Variants in WDFY3 observed in about 807,000 individuals in gnomAD.
WDFY3 encodes the protein WD repeat and FYVE domain-containing protein 3.
WDFY3 carries 66 observed loss-of-function variants against 409.6 expected under a neutral mutation model. That is an observed-to-expected ratio of 0.16 (90% CI 0.13 to 0.20). WDFY3 has a LOEUF of 0.20. Among genes scored for constraint, WDFY3 ranks in the 10% least tolerant of loss-of-function variants. WDFY3 has a pLI of 1.00. For missense variants in WDFY3, 3,031 were observed against 4,298.1 expected, an observed-to-expected ratio of 0.71 and a Z score of 8.24; for synonymous variants, 1,521 against 1,537.1, an observed-to-expected ratio of 0.99 and a Z score of 0.25.
chr4:84,857,369 T>C (rs1333265605), intron 4 of WDFY3, among the ~76,000 whole-genome samples: 4 of 152,124 alleles, frequency 2.6e-5, no homozygotes, highest in Non-Finnish European at 5.9e-5. Context: ...ACTGATAAAA[T>C]ACATGGGATA....
At chr4:84,674,035 A>G (rs1350876099) in intron 67 of WDFY3, among the ~76,000 whole-genome samples, 2 of 152,202 alleles carry the variant, frequency 1.3e-5, no homozygotes, top group South Asian at 2.1e-4. Flanking sequence ...AGATCCCTCA[A>G]GAGTGTCAAC....
At chr4:84,814,898 T>C (rs376895310) in intron 13 of WDFY3, among the ~76,000 whole-genome samples, 3 of 152,114 alleles carry the variant, frequency 2.0e-5, no homozygotes, top group East Asian at 1.9e-4. Flanking sequence ...TTAGAATGTA[T>C]TCCCCCGAAG....
intron 3 of WDFY3, among the ~76,000 whole-genome samples, chr4:84,869,884 A>G (rs1198144533): frequency 3.9e-5 from 6 of 152,182 alleles, no homozygotes; most frequent in Admixed American, 3.3e-4. Context: ...AGAAATGCAA[A>G]TAAAAACAAA....
chr4:84,821,166 A>G lies in WDFY3; in HGVS notation c.1509T>C (p.Val503=). 2.5e-6 allele frequency: 4 copies of G among 1,613,802 alleles called. No homozygotes were observed. Among genetic ancestry groups the G allele is most frequent in the Non-Finnish European group, 3.4e-6 (4 of 1,179,826 alleles). Residue 503 remains valine (V), a synonymous_variant, in exon 11 of 68, where the codon GTT becomes GTC. Transcript: ENST00000295888. ...DYIFKDVFRE[V]GLLEVMVNLL... is the part of the protein sequence containing the mutation. The stretch of plus-strand genomic sequence containing the variant: ...GGTTTACCATGACCTCCAAAAGGCC[A>G]ACCTCCCTGAACACGTCTTTAAATA...
At chr4:84,777,363 A>C (rs1745729057) in intron 27 of WDFY3, among the ~76,000 whole-genome samples, 1 of 152,128 alleles carries the variant, frequency 6.6e-6, no homozygotes, top group Non-Finnish European at 1.5e-5. Context: ...GTAAAGATGA[A>C]CATCCTTACA....
At chr4:84,828,732 A>G (rs1329129792) in intron 9 of WDFY3, among the ~76,000 whole-genome samples, 1 of 152,166 alleles carries the variant, frequency 6.6e-6, no homozygotes, top group East Asian at 1.9e-4. Flanking sequence ...TCCTGTCTCT[A>G]TGGAAAATGT....
chr4:84,803,574 T>C, intron 15 of WDFY3, 107 bp from the exon 16 acceptor site: 24 of 1,237,570 alleles, frequency 1.9e-5, no homozygotes, highest in Non-Finnish European at 2.7e-5. Flanking sequence ...AGAAAACACC[T>C]TAAGGTTGGG....
At chr4:84,710,455 T>C (rs780463561) in intron 51 of WDFY3, among the ~76,000 whole-genome samples, 32 of 152,208 alleles carry the variant, frequency 2.1e-4, no homozygotes, top group Admixed American at 3.9e-4. Context: ...TAATTAATAA[T>C]TGGTCATGGA....
chr4:84,686,113 C>T (rs1317173202), intron 62 of WDFY3, among the ~76,000 whole-genome samples: 3 of 152,016 alleles, frequency 2.0e-5, no homozygotes, highest in Non-Finnish European at 2.9e-5. Flanking sequence ...AAACCATCTT[C>T]GCTAACACGG....
intron 60 of WDFY3, among the ~76,000 whole-genome samples, chr4:84,690,897 A>C (rs946025506): frequency 1.3e-5 from 2 of 152,312 alleles, no homozygotes; most frequent in Admixed American, 1.3e-4. Context: ...GACTTTGCTC[A>C]TAATGGGGGT....
chr4:84,708,818 G>T, intron 53 of WDFY3, 91 bp downstream of exon 53: 1 of 1,408,846 alleles, frequency 7.1e-7, no homozygotes, highest in South Asian at 1.4e-5. Flanking sequence ...TAGGATTTTA[G>T]GGATGAGCCA....
chr4:84,683,466 A>C (rs1727749858), intron 63 of WDFY3, among the ~76,000 whole-genome samples: 1 of 152,248 alleles, frequency 6.6e-6, no homozygotes, highest in African/African-American at 2.4e-5. Context: ...GTCCCAGCAC[A>C]TAGCAACCTA....
Position 84,785,971 on chromosome 4 carries a change from C to T in WDFY3, c.4062+8G>A. 1 of 1,613,448 alleles carries T rather than the reference C, an allele frequency of 6.2e-7. No individual in the cohort carries two copies. The highest frequency in any genetic ancestry group is 8.5e-7 in the Non-Finnish European group (1 of 1,179,770). On this transcript the variant is annotated splice_region_variant and intron_variant, in intron 24 of 67. Coordinates refer to ENST00000295888, the MANE Select transcript of WDFY3 (RefSeq NM_014991.6). ...AGCCATAGTACACCAAGAAATCATTCTGCTTACCTGCTTAGCAATGGCTTT... is the reference window on the plus strand; with the variant it reads ...AGCCATAGTACACCAAGAAATCATTTTGCTTACCTGCTTAGCAATGGCTTT...
chr4:84,853,554 T>C (rs1759334490), intron 4 of WDFY3, among the ~76,000 whole-genome samples: 1 of 152,154 alleles, frequency 6.6e-6, no homozygotes, highest in South Asian at 2.1e-4. Context: ...CTCCTAAGAA[T>C]TAGTATGAGG....
chr4:84,724,324 A>T, intron 46 of WDFY3, 102 bp downstream of exon 46: 1 of 1,318,474 alleles, frequency 7.6e-7, no homozygotes, highest in East Asian at 2.4e-5. Context: ...GGATATTTTT[A>T]AAGTTGGCCC....
chr4:84,693,107 G>A, intron 58 of WDFY3, 75 bp from the exon 59 acceptor site: 1 of 1,438,998 alleles, frequency 6.9e-7, no homozygotes, highest in Admixed American at 2.2e-5. Flanking sequence ...CAGGCATTGT[G>A]TTCTTATTTC....
intron 64 of WDFY3, 56 bp from the exon 65 acceptor site, chr4:84,679,298 C>T: frequency 7.0e-7 from 1 of 1,419,078 alleles, no homozygotes. Context: ...TTACACCCAG[C>T]TTTGTTCTGC....
chr4:84,812,089 C>G (rs544204540), intron 13 of WDFY3, among the ~76,000 whole-genome samples: 1 of 152,242 alleles, frequency 6.6e-6, no homozygotes, highest in Non-Finnish European at 1.5e-5. Flanking sequence ...CACCTTTTGA[C>G]ATATACTGTT....
In WDFY3 at chr4:84,765,726, G is replaced by T. The variant is rs11934332; in HGVS notation, c.5188+84C>A. 4.8e-3 allele frequency: 5,463 copies of T among 1,148,990 alleles called. 191 individuals are homozygous for T. In the African/African-American group the frequency reaches 0.075, roughly 16 times the overall value. 71.2% of individuals were successfully genotyped at this position (1,148,990 alleles called of 1,614,324 possible). A position where few individuals can be genotyped will look rare whatever the true frequency, so the allele number is the denominator to read the frequency against. ...ATATCTCCTTAATGGTGATCAAACC[G>T]CAGAGGATAAGTTTACATAAAATTT... On this transcript the variant is annotated intron_variant, in intron 32 of 67. Coordinates refer to ENST00000295888, the MANE Select transcript of WDFY3 (RefSeq NM_014991.6).
Sources: allele counts gnomAD v4.1 joint callset (sites outside exome capture counted in the v4.1 genomes callset), GRCh38; gene constraint gnomAD v4.1.1; transcripts MANE v1.5; gene names NCBI Gene and HGNC (gene_info 2026-07-23, HGNC 2026-07-21).